The following MLLT3 variants were observed in gnomAD, a reference collection of about 807,000 sequenced individuals.
The protein encoded by MLLT3 is MLLT3 super elongation complex subunit.
A neutral mutation model predicts 53.2 loss-of-function variants in MLLT3; 4 were observed. That is an observed-to-expected ratio of 0.08 (90% confidence interval 0.04 to 0.17). MLLT3 has a LOEUF of 0.17. Ranked by LOEUF, MLLT3 falls within the 10% of genes least tolerant of loss-of-function variation. MLLT3 has a pLI of 1.00. For synonymous variants in MLLT3, 283 were observed against 230.6 expected (o/e 1.23, Z -2.06); for missense variants, 569 against 684.0 (o/e 0.83, Z 1.87).
intron 2 of MLLT3, among the ~76,000 whole-genome samples, chr9:20,570,718 T>C (rs1819511695): frequency 6.7e-6 from 1 of 150,208 alleles, no homozygotes; most frequent in Admixed American, 6.6e-5. Context: ...TCAAATTACT[T>C]AGAAATTCTG....
chr9:20,421,540 A>G (rs1478155310), intron 4 of MLLT3, among the ~76,000 whole-genome samples: 1 of 152,176 alleles, frequency 6.6e-6, no homozygotes, highest in Non-Finnish European at 1.5e-5. Context: ...GAAGAAAGTA[A>G]AAGAAACAAG....
intron 2 of MLLT3, among the ~76,000 whole-genome samples, chr9:20,593,133 G>T (rs906831112): frequency 2.6e-5 from 4 of 152,092 alleles, no homozygotes; most frequent in African/African-American, 9.7e-5. Flanking sequence ...TGACTCTTCA[G>T]AAGCCACAAG....
intron 3 of MLLT3, among the ~76,000 whole-genome samples, chr9:20,451,939 A>T (rs1044414099): frequency 2.0e-5 from 3 of 152,218 alleles, no homozygotes; most frequent in African/African-American, 7.2e-5. Context: ...AAAATAAGAC[A>T]GCATTAACAT....
intron 2 of MLLT3, 88 bp from the exon 3 acceptor site, chr9:20,456,874 T>C: frequency 3.1e-6 from 3 of 977,650 alleles, no homozygotes; most frequent in South Asian, 3.0e-5. Flanking sequence ...CATTCTACCA[T>C]CTAGATCACA....
chr9:20,355,329 T>A (rs897195187), intron 8 of MLLT3, among the ~76,000 whole-genome samples: 12 of 152,202 alleles, frequency 7.9e-5, no homozygotes, highest in Non-Finnish European at 1.8e-4. Flanking sequence ...AATGCCCTTT[T>A]TAGTACCTAA....
intron 2 of MLLT3, among the ~76,000 whole-genome samples, chr9:20,488,509 G>A (rs557952226): frequency 2.6e-5 from 4 of 152,240 alleles, no homozygotes; most frequent in South Asian, 2.1e-4. Context: ...TAAAGAGTGC[G>A]AATCATTTCC....
At chr9:20,398,291 C>T (rs958927931) in intron 5 of MLLT3, among the ~76,000 whole-genome samples, 39 of 152,022 alleles carry the variant, frequency 2.6e-4, no homozygotes, top group African/African-American at 9.2e-4. Context: ...GTTGTCCAGG[C>T]TGGTGTCAAA....
chr9:20,469,482 T>C (rs777687046), intron 2 of MLLT3, among the ~76,000 whole-genome samples: 2 of 152,050 alleles, frequency 1.3e-5, no homozygotes, highest in African/African-American at 4.8e-5. Context: ...ATGCAGTCAA[T>C]CTTAATAGTA....
chr9:20,397,677 C>T (rs1353399795), intron 5 of MLLT3, among the ~76,000 whole-genome samples: 3 of 152,112 alleles, frequency 2.0e-5, no homozygotes, highest in African/African-American at 7.2e-5. Context: ...TGTGCTGAGG[C>T]TATGCCTTTC....
intron 10 of MLLT3, among the ~76,000 whole-genome samples, chr9:20,348,622 T>C (rs1376585189): frequency 6.6e-6 from 1 of 152,224 alleles, no homozygotes; most frequent in Non-Finnish European, 1.5e-5. Context: ...GAAGAAAACC[T>C]TACTTGCTTA....
chr9:20,499,769 C>G (rs1825171307), intron 2 of MLLT3, among the ~76,000 whole-genome samples: 1 of 152,148 alleles, frequency 6.6e-6, no homozygotes, highest in Non-Finnish European at 1.5e-5. Flanking sequence ...CTCTATTGTT[C>G]TGTCTCCAAA....
At chr9:20,443,750 G>A (rs890914462) in intron 4 of MLLT3, among the ~76,000 whole-genome samples, 1 of 152,214 alleles carries the variant, frequency 6.6e-6, no homozygotes, top group East Asian at 1.9e-4. Context: ...GTAACTGAGG[G>A]GAAAAGAACT....
intron 5 of MLLT3, among the ~76,000 whole-genome samples, chr9:20,402,232 G>A (rs976564089): frequency 6.6e-6 from 1 of 152,182 alleles, no homozygotes; most frequent in Non-Finnish European, 1.5e-5. Context: ...GAAGGCACTA[G>A]TGAACTTTTC....
In MLLT3 at chr9:20,491,426, A is replaced by C. The variant is rs192295643; in HGVS notation, c.194-34640T>G. 6.5e-3 allele frequency among the ~76,000 whole-genome samples: 988 copies of C among 152,238 alleles called. 4 individuals are homozygous for C. The highest frequency in any genetic ancestry group is 0.02 in the African/African-American group (849 of 41,560). On this transcript the variant is annotated intron_variant, in intron 2 of 10. Transcript: ENST00000380338. The stretch of plus-strand genomic sequence containing the variant: ...CATCCCTGCTCAAGAAAGCAGAAAA[A>C]TCCAGATAAACGCAATAATATAGAA...
At chr9:20,369,124 C>T (rs1182227217) in intron 5 of MLLT3, among the ~76,000 whole-genome samples, 1 of 152,202 alleles carries the variant, frequency 6.6e-6, no homozygotes, top group Admixed American at 6.5e-5. Flanking sequence ...AATGATGATG[C>T]TGCAGGTCCA....
At chr9:20,400,344 G>A (rs962630503) in intron 5 of MLLT3, among the ~76,000 whole-genome samples, 3 of 152,078 alleles carry the variant, frequency 2.0e-5, no homozygotes, top group Admixed American at 6.6e-5. Context: ...TTTACAAATT[G>A]CAAGATGTGA....
At chr9:20,390,725 T>TGG (rs1563947097) in intron 5 of MLLT3, among the ~76,000 whole-genome samples, 1 of 152,232 alleles carries the variant, frequency 6.6e-6, no homozygotes, top group Non-Finnish European at 1.5e-5. Context: ...AGCATTAAAG[T>TGG]TTCTTTTTCA....
intron 2 of MLLT3, among the ~76,000 whole-genome samples, chr9:20,578,031 C>T (rs1333460586): frequency 6.6e-6 from 1 of 152,190 alleles, no homozygotes; most frequent in African/African-American, 2.4e-5. Context: ...ACAACTGAAT[C>T]CAGACCTACA....
intron 2 of MLLT3, among the ~76,000 whole-genome samples, chr9:20,497,981 G>C (rs1341099978): frequency 6.6e-6 from 1 of 151,874 alleles, no homozygotes; most frequent in African/African-American, 2.4e-5. Flanking sequence ...CAACACTTTG[G>C]GACAGTGAGG....
Sources: gnomAD v4.1 joint callset for allele counts (sites outside exome capture counted in the v4.1 genomes callset) on GRCh38, gnomAD v4.1.1 for gene constraint, MANE v1.5 for transcripts, NCBI Gene and HGNC (gene_info 2026-07-23, HGNC 2026-07-21) for gene names.